Variants in TRAPPC9 observed in about 807,000 individuals in gnomAD.
TRAPPC9 encodes the protein IKK2 binding protein.
Under a neutral mutation model 124.0 loss-of-function variants are expected in TRAPPC9, and 83 were observed. The ratio of observed to expected loss-of-function variants is 0.67; its 90% CI spans 0.56 to 0.80. The LOEUF (loss-of-function observed/expected upper bound fraction) is 0.80, where lower values mean the gene tolerates loss of function less well. Ranked by LOEUF, TRAPPC9 falls within the 30% of genes least tolerant of loss-of-function variation. The probability of loss-of-function intolerance (pLI) is 0.00; values close to 1 mark genes in which losing one functional copy is unlikely to be tolerated. For synonymous variants in TRAPPC9, 638 were observed against 617.5 expected (o/e 1.03, Z -0.49); for missense variants, 1,302 against 1,508.3 (o/e 0.86, Z 2.27).
chr8:140,289,685 A>G (rs62527542), intron 12 of TRAPPC9, among the ~76,000 whole-genome samples: 2 of 29,624 alleles, frequency 6.8e-5, no homozygotes, highest in Admixed American at 9.1e-4. Context: ...TTTTAAGACC[A>G]AAAAAAAAAA....
chr8:139,885,818 G>C (rs140921038), intron 21 of TRAPPC9, 61 bp downstream of exon 21: 43 of 1,492,230 alleles, frequency 2.9e-5, no homozygotes, highest in Non-Finnish European at 3.8e-5. Context: ...GACCTTGCTC[G>C]TGCATTTGGA....
intron 18 of TRAPPC9, among the ~76,000 whole-genome samples, chr8:139,995,059 G>C (rs775835396): frequency 6.6e-6 from 1 of 152,040 alleles, no homozygotes; most frequent in African/African-American, 2.4e-5. Flanking sequence ...CCCACTGAAT[G>C]CAACTATAAA....
At chr8:139,762,563 G>C (rs942028763) in intron 21 of TRAPPC9, among the ~76,000 whole-genome samples, 3 of 152,158 alleles carry the variant, frequency 2.0e-5, no homozygotes, top group Non-Finnish European at 1.5e-5. Flanking sequence ...GTAAGTATTT[G>C]TGTATTACCC....
At chr8:140,316,166 G>A (rs1017470675) in intron 9 of TRAPPC9, among the ~76,000 whole-genome samples, 6 of 152,166 alleles carry the variant, frequency 3.9e-5, no homozygotes, top group Middle Eastern at 3.4e-3. Flanking sequence ...AAACTTTCAG[G>A]ACTCATGGAG....
At chr8:140,456,695 CAAAT>C in intron 1 of TRAPPC9, 1 of 685,320 alleles carries the variant, frequency 1.5e-6, no homozygotes, top group Non-Finnish European at 1.8e-6. Context: ...TTCAGGTTAA[CAAAT>C]AAAGATGTCA....
intron 16 of TRAPPC9, among the ~76,000 whole-genome samples, chr8:140,243,692 C>T (rs1416192610): frequency 6.6e-6 from 1 of 152,234 alleles, no homozygotes; most frequent in Non-Finnish European, 1.5e-5. Context: ...CTGACAAAGA[C>T]AGGAAGATTC....
intron 21 of TRAPPC9, among the ~76,000 whole-genome samples, chr8:139,792,757 C>G (rs977013534): frequency 6.6e-6 from 1 of 152,222 alleles, no homozygotes; most frequent in Non-Finnish European, 1.5e-5. Flanking sequence ...CCACGGCCGG[C>G]GAGGGATGGG....
intron 17 of TRAPPC9, among the ~76,000 whole-genome samples, chr8:140,170,018 G>T (rs2061934272): frequency 6.6e-6 from 1 of 152,214 alleles, no homozygotes; most frequent in Admixed American, 6.5e-5. Flanking sequence ...GACTACAGGT[G>T]TGAGCCACTG....
intron 19 of TRAPPC9, among the ~76,000 whole-genome samples, chr8:139,912,592 G>A (rs911615564): frequency 2.0e-5 from 3 of 152,146 alleles, no homozygotes; most frequent in East Asian, 3.8e-4. Context: ...GCCCATCTCC[G>A]AGCAGCATGG....
intron 21 of TRAPPC9, among the ~76,000 whole-genome samples, chr8:139,828,733 C>A (rs1034301106): frequency 6.6e-6 from 1 of 152,184 alleles, no homozygotes; most frequent in Non-Finnish European, 1.5e-5. Flanking sequence ...CTTGAAGGAA[C>A]GCTGCCCAGG....
chr8:140,426,902 T>C (rs1241570961), intron 4 of TRAPPC9, among the ~76,000 whole-genome samples: 1 of 151,882 alleles, frequency 6.6e-6, no homozygotes, highest in Non-Finnish European at 1.5e-5. Flanking sequence ...CTTCCCACTT[T>C]CTATGTTCAT....
chr8:140,166,503 C>T (rs7828176), intron 17 of TRAPPC9, among the ~76,000 whole-genome samples: 4,663 of 152,248 alleles, frequency 0.031, 230 homozygotes, highest in African/African-American at 0.11. Flanking sequence ...CACACAGGAG[C>T]GTGTGCAAGC....
At chr8:140,272,787 C>A (rs2064997259) in intron 15 of TRAPPC9, among the ~76,000 whole-genome samples, 1 of 151,982 alleles carries the variant, frequency 6.6e-6, no homozygotes, top group African/African-American at 2.4e-5. Flanking sequence ...TGAGAACTAA[C>A]AGAGTGAAAA....
At chr8:140,326,000 AT>A (rs2066725686) in intron 9 of TRAPPC9, among the ~76,000 whole-genome samples, 1 of 152,208 alleles carries the variant, frequency 6.6e-6, no homozygotes, top group Non-Finnish European at 1.5e-5. Context: ...GTATATCTTT[AT>A]TAAAGAAGCT....
At chr8:140,131,760 G>A (rs1018013183) in intron 17 of TRAPPC9, among the ~76,000 whole-genome samples, 5 of 152,216 alleles carry the variant, frequency 3.3e-5, no homozygotes, top group Non-Finnish European at 7.3e-5. Context: ...ACAATCCAGG[G>A]CTCCCAGACA....
intron 17 of TRAPPC9, among the ~76,000 whole-genome samples, chr8:140,047,603 G>T (rs1841698745): frequency 6.6e-6 from 1 of 152,172 alleles, no homozygotes; most frequent in South Asian, 2.1e-4. Flanking sequence ...GCTCAGCTCT[G>T]CCTGCTTCTC....
chr8:140,023,530 G>A (rs1839940163), intron 18 of TRAPPC9, among the ~76,000 whole-genome samples: 1 of 152,178 alleles, frequency 6.6e-6, no homozygotes, highest in Non-Finnish European at 1.5e-5. Context: ...GGGATGCCAG[G>A]AATGATGCAG....
At chr8:140,069,190 G>A (rs1267878323) in intron 17 of TRAPPC9, among the ~76,000 whole-genome samples, 1 of 152,198 alleles carries the variant, frequency 6.6e-6, no homozygotes, top group Non-Finnish European at 1.5e-5. Context: ...TGCTGAAGAA[G>A]AAAACATATT....
intron 9 of TRAPPC9, among the ~76,000 whole-genome samples, chr8:140,344,815 C>G (rs1053034618): frequency 5.3e-5 from 8 of 152,178 alleles, no homozygotes; most frequent in African/African-American, 1.9e-4. Flanking sequence ...CCAAAAATAA[C>G]CCGGCTTTCC....
Sources: gnomAD v4.1 joint callset for allele counts (sites outside exome capture counted in the v4.1 genomes callset) on GRCh38, gnomAD v4.1.1 for gene constraint, MANE v1.5 for transcripts, NCBI Gene and HGNC (gene_info 2026-07-23, HGNC 2026-07-21) for gene names.